Variants in PTPRK observed in about 807,000 individuals in gnomAD.
PTPRK encodes protein tyrosine phosphatase receptor type K.
A neutral mutation model predicts 178.0 loss-of-function variants in PTPRK; 75 were observed. That is an observed-to-expected ratio of 0.42 (90% CI 0.35 to 0.51). PTPRK has a LOEUF of 0.51. Among genes scored for constraint, PTPRK ranks in the 20% least tolerant of loss-of-function variants. The pLI, the probability that PTPRK is intolerant of heterozygous loss-of-function variation, is 0.02. For missense variants in PTPRK, 1,441 were observed against 1,797.8 expected, an observed-to-expected ratio of 0.80 and a Z score of 3.59; for synonymous variants, 637 against 620.6, an observed-to-expected ratio of 1.03 and a Z score of -0.39.
At chr6:128,499,343 A>G (rs1855210492) in intron 1 of PTPRK, among the ~76,000 whole-genome samples, 1 of 152,246 alleles carries the variant, frequency 6.6e-6, no homozygotes, top group Admixed American at 6.5e-5. Flanking sequence ...GTCAATTAGT[A>G]TTTGAAGGGC....
At position 128,089,942 on chromosome 6, in the gene PTPRK, G is replaced by C; in HGVS notation, c.1213C>G (p.Arg405Gly). ...AAGGATTCCCAGTCCACAGCAATCC[G>C]TCTTGCCTGTATTTCAGCAATCTTT... ...TLKIAEIQARRIAVDWESLGY... is the reference protein window; with the variant it reads ...TLKIAEIQARGIAVDWESLGY... The change falls in exon 8 of 30, where the codon CGG becomes GGG. Residue 405 changes from arginine to glycine, a missense_variant. By Grantham distance (125) the Arg-to-Gly change is moderately radical. Coordinates refer to ENST00000368226, the MANE Select transcript of PTPRK (RefSeq NM_002844.4). 6.2e-7 allele frequency: 1 copy of C among 1,611,640 alleles called. No individual in the cohort carries two copies. The highest frequency in any genetic ancestry group is 8.5e-7 in the Non-Finnish European group (1 of 1,177,774).
intron 27 of PTPRK, 53 bp from the exon 28 acceptor site, chr6:127,973,880 A>G (rs1207595113): frequency 6.5e-7 from 1 of 1,535,768 alleles, no homozygotes; most frequent in Non-Finnish European, 8.9e-7. Flanking sequence ...ATTTTTACTA[A>G]AAAGTAAAAG....
intron 13 of PTPRK, among the ~76,000 whole-genome samples, chr6:128,049,327 C>A (rs969577642): frequency 6.6e-6 from 1 of 152,262 alleles, no homozygotes; most frequent in Non-Finnish European, 1.5e-5. Flanking sequence ...AAACTACTTA[C>A]ATAAACAGAT....
At chr6:128,196,947 C>T (rs4421217) in intron 6 of PTPRK, among the ~76,000 whole-genome samples, 16,018 of 151,878 alleles carry the variant, frequency 0.11, 1,639 homozygotes, top group East Asian at 0.35. Flanking sequence ...TTGAAGATTC[C>T]TGAAAATATT....
chr6:128,121,422 T>C (rs1017475824), intron 7 of PTPRK, among the ~76,000 whole-genome samples: 4 of 151,972 alleles, frequency 2.6e-5, no homozygotes, highest in African/African-American at 9.7e-5. Context: ...ACTTGAATGA[T>C]GTAATTTGTG....
At chr6:128,267,060 A>G (rs149795726) in intron 3 of PTPRK, among the ~76,000 whole-genome samples, 149 of 152,204 alleles carry the variant, frequency 9.8e-4, no homozygotes, top group Middle Eastern at 3.4e-3. Flanking sequence ...TGCTAATTCG[A>G]TATTTAAGTT....
intron 13 of PTPRK, among the ~76,000 whole-genome samples, chr6:128,015,377 G>T (rs190657340): frequency 7.2e-4 from 109 of 151,786 alleles, no homozygotes; most frequent in Middle Eastern, 3.4e-3. Context: ...GAGCGTTAGT[G>T]CACTGTCTTA....
chr6:128,417,273 A>G (rs1842956235), intron 1 of PTPRK, among the ~76,000 whole-genome samples: 1 of 152,172 alleles, frequency 6.6e-6, no homozygotes, highest in Non-Finnish European at 1.5e-5. Context: ...AAGTTAAAAT[A>G]CCAGGACAAG....
chr6:128,188,195 A>G (rs1803106586), intron 6 of PTPRK, among the ~76,000 whole-genome samples: 1 of 152,188 alleles, frequency 6.6e-6, no homozygotes. Context: ...TCATTATTCT[A>G]GAACTGAACC....
At chr6:128,499,283 T>C (rs1312956589) in intron 1 of PTPRK, among the ~76,000 whole-genome samples, 1 of 152,228 alleles carries the variant, frequency 6.6e-6, no homozygotes, top group East Asian at 1.9e-4. Context: ...ATCTTCAGGT[T>C]CGAAAAATAT....
chr6:128,250,097 A>G (rs560550379), intron 3 of PTPRK, among the ~76,000 whole-genome samples: 19 of 152,302 alleles, frequency 1.2e-4, no homozygotes, highest in African/African-American at 4.1e-4. Context: ...GCCAAGGCAC[A>G]TAAGAAGTGC....
At chr6:128,410,822 C>T (rs1238757705) in intron 1 of PTPRK, among the ~76,000 whole-genome samples, 2 of 152,186 alleles carry the variant, frequency 1.3e-5, no homozygotes, top group African/African-American at 4.8e-5. Context: ...AGCTGACTTC[C>T]TGCCCAATCA....
At chr6:128,241,988 A>C in intron 4 of PTPRK, among the ~76,000 whole-genome samples, 1 of 140,660 alleles carries the variant, frequency 7.1e-6, no homozygotes. Context: ...ATAGGGTTTC[A>C]CCATTTTGGC....
intron 1 of PTPRK, among the ~76,000 whole-genome samples, chr6:128,425,453 T>C (rs993706897): frequency 2.6e-5 from 4 of 152,172 alleles, no homozygotes; most frequent in Admixed American, 1.3e-4. Context: ...ATCATTCTTA[T>C]GCCTTTGCAT....
intron 6 of PTPRK, among the ~76,000 whole-genome samples, chr6:128,184,953 AT>A (rs373452592): frequency 0.01 from 1,542 of 152,076 alleles, 14 homozygotes; most frequent in African/African-American, 0.019. Flanking sequence ...TTAAAAACAC[AT>A]TTTTTTTCAG....
intron 13 of PTPRK, among the ~76,000 whole-genome samples, chr6:128,011,670 T>C (rs774490893): frequency 2.6e-5 from 4 of 151,074 alleles, no homozygotes; most frequent in Non-Finnish European, 4.5e-5. Context: ...AGAACTGACA[T>C]GAGGGTGATG....
intron 3 of PTPRK, among the ~76,000 whole-genome samples, chr6:128,311,188 C>T (rs1827193878): frequency 6.6e-6 from 1 of 152,080 alleles, no homozygotes; most frequent in South Asian, 2.1e-4. Context: ...CAAAAATATG[C>T]CTTGCTTTCC....
At chr6:128,453,311 T>C (rs1343688028) in intron 1 of PTPRK, among the ~76,000 whole-genome samples, 3 of 152,220 alleles carry the variant, frequency 2.0e-5, no homozygotes, top group Admixed American at 6.5e-5. Flanking sequence ...GCATAGGCTC[T>C]GGATCTCCCA....
intron 7 of PTPRK, among the ~76,000 whole-genome samples, chr6:128,182,585 T>C (rs1802091635): frequency 6.6e-6 from 1 of 152,110 alleles, no homozygotes; most frequent in South Asian, 2.1e-4. Context: ...GCTATGAGTG[T>C]AAGTTAACTA....
Sources: gnomAD v4.1 joint callset for allele counts (sites outside exome capture counted in the v4.1 genomes callset) on GRCh38, gnomAD v4.1.1 for gene constraint, MANE v1.5 for transcripts, NCBI Gene and HGNC (gene_info 2026-07-23, HGNC 2026-07-21) for gene names.